The following BCAS1 variants were observed in gnomAD, a reference collection of about 807,000 sequenced individuals.
BCAS1 encodes brain enriched myelin associated protein 1.
BCAS1 carries 46 observed loss-of-function variants against 65.4 expected under a neutral mutation model. The observed-to-expected ratio is 0.70, with a 90% CI of 0.55 to 0.90. BCAS1 has a LOEUF of 0.90. Ranked by LOEUF, BCAS1 falls within the 40% of genes least tolerant of loss-of-function variation. The pLI is 0.00. For missense variants in BCAS1, 793 were observed against 771.2 expected (o/e 1.03, Z -0.33); for synonymous variants, 298 against 293.5 (o/e 1.02, Z -0.16).
chr20:54,054,458 A>G (rs1397425838), intron 3 of BCAS1, among the ~76,000 whole-genome samples: 1 of 152,212 alleles, frequency 6.6e-6, no homozygotes. Context: ...TCTGAAGGAC[A>G]AGAAAGGGTC....
chr20:54,025,181 A>G (rs1196254289), intron 4 of BCAS1, among the ~76,000 whole-genome samples: 1 of 152,188 alleles, frequency 6.6e-6, no homozygotes, highest in African/African-American at 2.4e-5. Context: ...CAACACAAAC[A>G]CAACTCTGGA....
At chr20:54,021,180 C>G (rs1354112752) in intron 4 of BCAS1, among the ~76,000 whole-genome samples, 1 of 152,100 alleles carries the variant, frequency 6.6e-6, no homozygotes, top group Non-Finnish European at 1.5e-5. Flanking sequence ...ACACGTGACT[C>G]AATTTCACCA....
chr20:54,058,083 AC>A lies in BCAS1; in HGVS notation c.142+1del. The stretch of plus-strand genomic sequence containing the variant: ...AGATGCCCTTCCCAGAGTAGCACTG[AC>A]CTTCCTCTAAGTGCTGAACTGTGTG... On this transcript the variant is annotated splice_donor_variant, in intron 3 of 12. Coordinates refer to ENST00000688948, the MANE Select transcript of BCAS1 (RefSeq NM_001366298.2). LOFTEE classifies it high-confidence loss of function. 1 of 1,612,086 alleles carries A rather than the reference AC, an allele frequency of 6.2e-7. No individual in the cohort carries two copies. Among genetic ancestry groups the A allele is most frequent in the East Asian group, 2.2e-5 (1 of 44,800 alleles).
chr20:54,039,078 T>G (rs943776408), intron 3 of BCAS1, among the ~76,000 whole-genome samples: 1 of 151,450 alleles, frequency 6.6e-6, no homozygotes, highest in Non-Finnish European at 1.5e-5. Flanking sequence ...CAAAAAATTA[T>G]GCAAAAATGA....
At chr20:53,956,803 TAA>T (rs1477506832) in intron 11 of BCAS1, among the ~76,000 whole-genome samples, 25 of 152,132 alleles carry the variant, frequency 1.6e-4, no homozygotes, top group Non-Finnish European at 5.9e-5. Flanking sequence ...ATTTTTAAAT[TAA>T]AAAAAGAGTG....
intron 8 of BCAS1, 102 bp downstream of exon 8, chr20:53,985,185 C>A (rs1276839656): frequency 8.8e-7 from 1 of 1,140,502 alleles, no homozygotes. Flanking sequence ...GAAGAAGAAA[C>A]ACCTTCCATA....
chr20:53,963,676 C>T (rs779828295), intron 10 of BCAS1, among the ~76,000 whole-genome samples: 5 of 152,162 alleles, frequency 3.3e-5, no homozygotes, highest in Admixed American at 6.5e-5. Flanking sequence ...CATCCCCAAC[C>T]GCTCAAAAAA....
chr20:53,970,820 G>A (rs571244412), intron 9 of BCAS1, among the ~76,000 whole-genome samples: 1 of 152,240 alleles, frequency 6.6e-6, no homozygotes, highest in East Asian at 1.9e-4. Context: ...TAAACTTCAT[G>A]CACAACGTCA....
chr20:54,058,063 C>A, intron 3 of BCAS1, 22 bp downstream of exon 3: 1 of 1,597,044 alleles, frequency 6.3e-7, no homozygotes, highest in South Asian at 1.1e-5. Flanking sequence ...AGGGTAGATG[C>A]CCTTCCCAGA....
intron 12 of BCAS1, among the ~76,000 whole-genome samples, chr20:53,952,146 C>T (rs765316038): frequency 1.3e-5 from 2 of 152,172 alleles, no homozygotes; most frequent in Non-Finnish European, 2.9e-5. Flanking sequence ...AATGTTTTAT[C>T]GAAGGGTAAC....
rs1446240666 is a variant in BCAS1 at position 54,038,205 on chromosome 20, A to G, written c.143-9233T>C. Reference sequence around the variant, plus strand: ...GAAATATTTTCGCTAAGATCTTCCTATGGTTACCTTCTTATCATTCAAGAC... The same window carrying G: ...GAAATATTTTCGCTAAGATCTTCCTGTGGTTACCTTCTTATCATTCAAGAC... On this transcript the variant is annotated intron_variant, in intron 3 of 12. Transcript: ENST00000688948. 4.6e-5 allele frequency among the ~76,000 whole-genome samples: 7 copies of G among 151,266 alleles called. 2 individuals are homozygous for G. Among genetic ancestry groups the G allele is most frequent in the Admixed American group, 1.3e-4 (2 of 15,124 alleles).
At chr20:53,953,332 A>T in intron 12 of BCAS1, 100 bp downstream of exon 12, 1 of 1,427,052 alleles carries the variant, frequency 7.0e-7, no homozygotes, top group Non-Finnish European at 9.6e-7. Context: ...CCGGGATCCC[A>T]GTGTGAAGAG....
At chr20:54,015,992 A>G (rs1311541737) in intron 4 of BCAS1, among the ~76,000 whole-genome samples, 2 of 152,218 alleles carry the variant, frequency 1.3e-5, no homozygotes, top group Non-Finnish European at 2.9e-5. Context: ...GCTGTCAACA[A>G]TTTGCAATTT....
chr20:54,019,444 C>T (rs894445104), intron 4 of BCAS1, among the ~76,000 whole-genome samples: 5 of 152,192 alleles, frequency 3.3e-5, no homozygotes, highest in African/African-American at 1.2e-4. Flanking sequence ...TTTCTAGGCC[C>T]ATCTTATTGG....
intron 1 of BCAS1, among the ~76,000 whole-genome samples, chr20:54,070,144 G>T (rs1206484320): frequency 1.3e-5 from 2 of 152,146 alleles, no homozygotes; most frequent in African/African-American, 4.8e-5. Context: ...TGCTTGAAAT[G>T]ACCCTCAATA....
At chr20:54,056,370 T>A (rs1188472133) in intron 3 of BCAS1, among the ~76,000 whole-genome samples, 3 of 152,124 alleles carry the variant, frequency 2.0e-5, no homozygotes, top group Non-Finnish European at 4.4e-5. Flanking sequence ...AACCAAATAC[T>A]GCATGTTCTC....
chr20:54,028,691 C>A lies in BCAS1; in HGVS notation c.424G>T (p.Val142Leu). 1 of 1,614,184 alleles carries A rather than the reference C, an allele frequency of 6.2e-7. No homozygotes were observed. The highest frequency in any genetic ancestry group is 2.2e-5 in the East Asian group (1 of 44,884). The change falls in exon 4 of 13, where the codon GTG becomes TTG. Residue 142 changes from valine to leucine, a missense_variant. By Grantham distance (32) the Val-to-Leu change is conservative. Coordinates refer to ENST00000688948, the MANE Select transcript of BCAS1 (RefSeq NM_001366298.2). The stretch of plus-strand genomic sequence containing the variant: ...GTGTCCTGCCCCGGTCCAGCTGCCA[C>A]CGGAAGTGTCCAGCTCTCACTTGGG... Reference protein sequence around the residue: ...KDPSESWTLPVAAGPGQDTDK... With the variant: ...KDPSESWTLPLAAGPGQDTDK...
intron 3 of BCAS1, among the ~76,000 whole-genome samples, chr20:54,051,726 T>TTTGTTTG (rs200585712): frequency 0.013 from 1,910 of 149,212 alleles, 43 homozygotes; most frequent in African/African-American, 0.045. Context: ...TTTTTTTTTG[T>TTTGTTTG]TTGTTGTTGT....
chr20:54,021,407 G>A (rs1210957972), intron 4 of BCAS1, among the ~76,000 whole-genome samples: 1 of 143,600 alleles, frequency 7.0e-6, no homozygotes, highest in Admixed American at 7.0e-5. Context: ...TAAAAAAAAA[G>A]TACATACTTT....
Sources: gnomAD v4.1 joint callset for allele counts (sites outside exome capture counted in the v4.1 genomes callset) on GRCh38, gnomAD v4.1.1 for gene constraint, MANE v1.5 for transcripts, NCBI Gene and HGNC (gene_info 2026-07-23, HGNC 2026-07-21) for gene names.